LOC102723971: variants seen among roughly 807,000 people sequenced by gnomAD.
chr9:135,615,275 G>A, the LOC102723971 span: 37 of 396,600 alleles, frequency 9.3e-5, no homozygotes, highest in Admixed American at 4.0e-4. Context: ...GGCCTCTCCC[G>A]ACCCGGCCCA....
At chr9:135,616,758 G>T in the LOC102723971 span, 1 of 398,586 alleles carries the variant, frequency 2.5e-6, no homozygotes, top group Non-Finnish European at 4.4e-6. Context: ...ACTCAGAAGG[G>T]GTTGTCGGCT....
the LOC102723971 span, among the ~76,000 whole-genome samples, chr9:135,619,854 C>A: frequency 3.6e-4 from 47 of 129,856 alleles, no homozygotes; most frequent in African/African-American, 1.3e-3. Flanking sequence ...AGGCCTTCTC[C>A]CCCTTCTCCC....
the LOC102723971 span, chr9:135,619,057 T>A: frequency 1.2e-3 from 477 of 399,990 alleles, no homozygotes; most frequent in African/African-American, 8.8e-3. Context: ...GCCTGGACTG[T>A]CCCCAGGTCC....
At chr9:135,617,066 CA>C in the LOC102723971 span, 1 of 398,554 alleles carries the variant, frequency 2.5e-6, no homozygotes, top group Non-Finnish European at 4.4e-6. Flanking sequence ...CCTCAGACCC[CA>C]GACATGAGGG....
the LOC102723971 span, chr9:135,618,081 C>T: frequency 5.3e-4 from 210 of 398,594 alleles, no homozygotes; most frequent in Non-Finnish European, 6.5e-4. Context: ...TGGAGCCGGA[C>T]GGGAAGAGGG....
chr9:135,617,200 C>G, the LOC102723971 span, among the ~76,000 whole-genome samples: 1 of 152,210 alleles, frequency 6.6e-6, no homozygotes, highest in Non-Finnish European at 1.5e-5. Context: ...TGAGCTCTTC[C>G]TCCGACACAT....
At chr9:135,619,430 C>A in the LOC102723971 span, among the ~76,000 whole-genome samples, 1 of 152,028 alleles carries the variant, frequency 6.6e-6, no homozygotes, top group Non-Finnish European at 1.5e-5. Context: ...GGAACATGAC[C>A]CCACGGAGGC....
the LOC102723971 span, chr9:135,617,838 G>T: frequency 1.5e-5 from 6 of 396,208 alleles, no homozygotes; most frequent in Non-Finnish European, 2.7e-5. Flanking sequence ...TGGTGGGGTG[G>T]CCGATGCCCA....
At chr9:135,619,708 A>G in the LOC102723971 span, among the ~76,000 whole-genome samples, 7 of 151,934 alleles carry the variant, frequency 4.6e-5, no homozygotes, top group Middle Eastern at 6.8e-3. Flanking sequence ...GGCGGCGCCC[A>G]CTTCTGCACC....
At chr9:135,618,386 ATCATTCAG>A in the LOC102723971 span, among the ~76,000 whole-genome samples, 1 of 151,840 alleles carries the variant, frequency 6.6e-6, no homozygotes, top group Non-Finnish European at 1.5e-5. Context: ...CTCCCAACGC[ATCATTCAG>A]TCAATCAACA....
At chr9:135,619,129 C>T in the LOC102723971 span, among the ~76,000 whole-genome samples, 144 of 152,222 alleles carry the variant, frequency 9.5e-4, 1 homozygote, top group African/African-American at 3.4e-3. Flanking sequence ...CCCAACCCTG[C>T]CTCTCTCCTG....
At chr9:135,619,497 G>T in the LOC102723971 span, among the ~76,000 whole-genome samples, 2 of 152,070 alleles carry the variant, frequency 1.3e-5, no homozygotes, top group Non-Finnish European at 2.9e-5. Flanking sequence ...GTCTGCTGGG[G>T]ACCCTCCAGA....
the LOC102723971 span, chr9:135,615,364 G>A: frequency 2.5e-6 from 1 of 398,576 alleles, no homozygotes; most frequent in Non-Finnish European, 4.4e-6. Flanking sequence ...CCCTGCAGGT[G>A]GAGGGGCGCT....
At chr9:135,617,281 G>A in the LOC102723971 span, among the ~76,000 whole-genome samples, 2 of 152,326 alleles carry the variant, frequency 1.3e-5, no homozygotes, top group South Asian at 4.1e-4. Flanking sequence ...ATTGCTCTGG[G>A]CGCTGCACTG....
chr9:135,614,960 G>T, the LOC102723971 span, among the ~76,000 whole-genome samples: 1 of 152,192 alleles, frequency 6.6e-6, no homozygotes, highest in African/African-American at 2.4e-5. Context: ...TGGGGAAGGG[G>T]ACTGGACAGA....
chr9:135,615,386 C>G, the LOC102723971 span: 53 of 398,788 alleles, frequency 1.3e-4, no homozygotes, highest in Admixed American at 1.4e-3. Context: ...GCTCACCCTG[C>G]AGCTGGCAGC....
the LOC102723971 span, among the ~76,000 whole-genome samples, chr9:135,619,192 C>T: frequency 6.6e-6 from 1 of 151,916 alleles, no homozygotes; most frequent in Non-Finnish European, 1.5e-5. Flanking sequence ...CCAGGTCCTG[C>T]CAACCACCTG....
At chr9:135,619,372 T>G in the LOC102723971 span, among the ~76,000 whole-genome samples, 1 of 152,112 alleles carries the variant, frequency 6.6e-6, no homozygotes, top group Non-Finnish European at 1.5e-5. Flanking sequence ...GTGCCTCCGA[T>G]GCACCCCCCT....
the LOC102723971 span, chr9:135,618,912 T>G: frequency 5.0e-6 from 2 of 398,800 alleles, no homozygotes; most frequent in Non-Finnish European, 8.8e-6. Flanking sequence ...AATCACCACC[T>G]TTTTCTTTTC....
Sources: allele counts gnomAD v4.1 joint callset (sites outside exome capture counted in the v4.1 genomes callset), GRCh38; gene constraint gnomAD v4.1.1; transcripts MANE v1.5.